The following NSD3 variants were observed in gnomAD, a reference collection of about 807,000 sequenced individuals.
NSD3 encodes histone-lysine N-methyltransferase NSD3.
Under a neutral mutation model 160.8 loss-of-function variants are expected in NSD3, and 24 were observed. The ratio of observed to expected loss-of-function variants is 0.15; its 90% CI spans 0.11 to 0.21. NSD3 has a LOEUF of 0.21. NSD3 is among the 10% of genes least tolerant of loss of function. NSD3 has a pLI of 1.00. For missense variants in NSD3, 1,157 were observed against 1,735.9 expected (o/e 0.67, Z 5.93); for synonymous variants, 520 against 600.0 (o/e 0.87, Z 1.95).
intron 12 of NSD3, among the ~76,000 whole-genome samples, chr8:38,311,076 C>CTTT (rs34628829): frequency 3.0e-5 from 4 of 132,788 alleles, no homozygotes; most frequent in African/African-American, 2.8e-5. Flanking sequence ...TCCCTGATTA[C>CTTT]TTTTTTTTTT....
At position 38,310,675 on chromosome 8, in the gene NSD3, CT is replaced by C. The variant is rs919146524; in HGVS notation, c.2242+3971del. Among the ~76,000 whole-genome samples the C allele has an allele frequency of 7.2e-3, 994 of 137,960 alleles. 6 individuals carry two copies. Among genetic ancestry groups the C allele is most frequent in the African/African-American group, 0.011 (397 of 37,640 alleles). The allele number at this position is 137,960 out of a possible 152,430, so 90.5% of individuals were successfully genotyped here. On this transcript the variant is annotated intron_variant, in intron 12 of 23. Transcript: ENST00000317025. ...GGCACACGCCACCATGCCAGGCTAA[CT>C]TTTTTTTTTTTTTTTGGTAGAAATG...
chr8:38,327,018 A>G (rs1809930139), intron 6 of NSD3, among the ~76,000 whole-genome samples, 162 bp from the exon 7 acceptor site: 1 of 152,232 alleles, frequency 6.6e-6, no homozygotes, highest in African/African-American at 2.4e-5. Flanking sequence ...AATTTGATTA[A>G]GTGATCAAGA....
intron 19 of NSD3, among the ~76,000 whole-genome samples, chr8:38,286,691 T>C (rs1242449463): frequency 6.6e-6 from 1 of 152,236 alleles, no homozygotes; most frequent in Non-Finnish European, 1.5e-5. Flanking sequence ...GGCACCATCC[T>C]ATCTAGCCAG....
chr8:38,340,345 G>GA (rs1174406002), intron 2 of NSD3, among the ~76,000 whole-genome samples: 2 of 151,948 alleles, frequency 1.3e-5, no homozygotes, highest in Non-Finnish European at 2.9e-5. Flanking sequence ...AAAGGTTTTT[G>GA]TTTTTTTGAG....
At position 38,337,480 on chromosome 8, in the gene NSD3, G is replaced by T. The variant is rs763446474; in HGVS notation, c.748-13C>A. 190 of 1,531,174 alleles carry T rather than the reference G, an allele frequency of 1.2e-4. No individual in the cohort carries two copies. Among genetic ancestry groups the T allele is most frequent in the Non-Finnish European group, 1.6e-4 (187 of 1,146,106 alleles). 94.8% of individuals were successfully genotyped at this position (1,531,174 alleles called of 1,614,324 possible). On this transcript the variant is annotated splice_polypyrimidine_tract_variant and intron_variant, in intron 3 of 23. Transcript: ENST00000317025. ...GTATTGGCTGAACCTACAGGAAAGG[G>T]TCAAAAAACTTCATCAGAAATTCAA... is the stretch of plus-strand genomic sequence containing the variant.
Position 38,274,899 on chromosome 8 carries a change from G to A in NSD3, c.*742C>T, listed in dbSNP as rs1808561657. ...TCAATGGAAAACGTTTTAAAAATCA[G>A]TGAGCACATCCATTCCTTTTTTTCC... On this transcript the variant is annotated 3_prime_UTR_variant, in exon 24 of 24. Coordinates refer to ENST00000317025, the MANE Select transcript of NSD3 (RefSeq NM_023034.2). The A allele has an allele frequency of 5.3e-6, 1 of 187,852 alleles. No homozygotes were observed. Among genetic ancestry groups the A allele is most frequent in the Non-Finnish European group, 1.1e-5 (1 of 89,214 alleles). The allele number at this position is 187,852 out of a possible 1,614,324, so 11.6% of individuals were successfully genotyped here.
At position 38,276,517 on chromosome 8, in the gene NSD3, G is replaced by A. The variant is rs1425566494; in HGVS notation, c.3868-17C>T. 2 of 1,613,654 alleles carry A rather than the reference G, an allele frequency of 1.2e-6. No individual in the cohort carries two copies. The highest frequency in any genetic ancestry group is 2.2e-5 in the East Asian group (1 of 44,872). On this transcript the variant is annotated splice_polypyrimidine_tract_variant and intron_variant, in intron 22 of 23. Coordinates refer to ENST00000317025, the MANE Select transcript of NSD3 (RefSeq NM_023034.2). ...ACATGCCGACTGGCAGGAAAGAAAG[G>A]ATCATAGTTTCAAACATCACAGACA...
chr8:38,276,606 C>G (rs1808607088), intron 22 of NSD3, 106 bp from the exon 23 acceptor site: 1 of 1,229,522 alleles, frequency 8.1e-7, no homozygotes, highest in African/African-American at 1.5e-5. Flanking sequence ...ATCTGTTGTA[C>G]AATTACCTAA....
intron 1 of NSD3, among the ~76,000 whole-genome samples, chr8:38,363,440 C>T (rs1056612745): frequency 9.9e-5 from 15 of 151,804 alleles, no homozygotes; most frequent in Admixed American, 5.3e-4. Flanking sequence ...GTCAGGACTT[C>T]GAGAGCAGCC....
At chr8:38,358,611 G>A (rs1204490424) in intron 1 of NSD3, among the ~76,000 whole-genome samples, 6 of 152,030 alleles carry the variant, frequency 3.9e-5, no homozygotes, top group East Asian at 3.9e-4. Flanking sequence ...TGTTTTAAAC[G>A]CAGTACATAA....
chr8:38,336,388 C>G (rs1269802950), intron 4 of NSD3, among the ~76,000 whole-genome samples: 1 of 152,166 alleles, frequency 6.6e-6, no homozygotes, highest in African/African-American at 2.4e-5. Context: ...TTAGAATTGT[C>G]TTTCTTAATT....
At chr8:38,320,268 A>AT (rs1289060389) in intron 8 of NSD3, 2 of 152,148 alleles carry the variant, frequency 1.3e-5, no homozygotes, top group Non-Finnish European at 2.9e-5. Context: ...TTCCATATAA[A>AT]TGGTTTAAAA....
chr8:38,326,791 G>T lies in NSD3; in HGVS notation c.1647C>A (p.Asn549Lys). Residue 549 changes from asparagine (N) to lysine (K), a missense_variant, in exon 7 of 24, where the codon AAC becomes AAA. Transcript: ENST00000317025. ...TCTGCGTTGGCTTTTCATTTCTCTG[G>T]TTTGGTGTAGAAATTATAAGCCTGT... Reference protein sequence around the residue: ...GQDRLIISTPNQRNEKPTQSV... With the variant: ...GQDRLIISTPKQRNEKPTQSV... 1 of 1,613,952 alleles carries T rather than the reference G, an allele frequency of 6.2e-7. No homozygotes were observed. Among genetic ancestry groups the T allele is most frequent in the Non-Finnish European group, 8.5e-7 (1 of 1,179,968 alleles).
intron 15 of NSD3, 89 bp from the exon 16 acceptor site, chr8:38,296,041 A>T: frequency 7.5e-7 from 1 of 1,328,514 alleles, no homozygotes. Context: ...CAGCACATTA[A>T]ATTTGTTTCA....
In NSD3 at chr8:38,279,623, C is replaced by T; in HGVS notation, c.3677G>A (p.Cys1226Tyr). 1 of 1,614,152 alleles carries T rather than the reference C, an allele frequency of 6.2e-7. No homozygotes were observed. Among genetic ancestry groups the T allele is most frequent in the Non-Finnish European group, 8.5e-7 (1 of 1,179,996 alleles). Residue 1226 changes from cysteine to tyrosine, a missense_variant, in exon 21 of 24, where the codon TGT becomes TAT. Physicochemically the swap from Cys to Tyr is radical, Grantham distance 194. Coordinates refer to ENST00000317025, the MANE Select transcript of NSD3 (RefSeq NM_023034.2). ...GNYSRFMNHS[C>Y]NPNCETQKWT... ...CTTTTGTGTTTCACAGTTGGGATTA[C>T]AACTGTGGTTCATGAAGCGAGAATA... is the stretch of plus-strand genomic sequence containing the variant.
chr8:38,364,593 ACATAATAAAATGC>A (rs1202522401), intron 1 of NSD3, among the ~76,000 whole-genome samples: 1 of 152,208 alleles, frequency 6.6e-6, no homozygotes. Context: ...ACTATGCATG[ACATAATAAAATGC>A]TATGGGTCCT....
At chr8:38,332,647 G>A (rs1810092525) in intron 4 of NSD3, among the ~76,000 whole-genome samples, 1 of 152,138 alleles carries the variant, frequency 6.6e-6, no homozygotes, top group African/African-American at 2.4e-5. Context: ...GCATTGAGAA[G>A]CTCTGACAGC....
Position 38,281,560 on chromosome 8 carries a change from G to T in NSD3, c.3525C>A (p.Val1175=), listed in dbSNP as rs751782000. 2 of 1,604,930 alleles carry T rather than the reference G, an allele frequency of 1.2e-6. No homozygotes were observed. The highest frequency in any genetic ancestry group is 1.7e-6 in the Non-Finnish European group (2 of 1,175,364). ...ATTCTTCTTCATCAATTAATTCACC[G>T]ACGTATTCATTTACAAATTCACCCT... The part of the protein sequence containing the change: ...IKKGEFVNEY[V]GELIDEEECR... The change falls in exon 20 of 24, where the codon GTC becomes GTA. Residue 1175 remains valine (V), a synonymous_variant. Transcript: ENST00000317025.
At chr8:38,375,276 A>AG (rs1377191052) in intron 1 of NSD3, among the ~76,000 whole-genome samples, 3 of 152,176 alleles carry the variant, frequency 2.0e-5, no homozygotes, top group African/African-American at 7.2e-5. Flanking sequence ...AAATATTAGA[A>AG]GGGGGAAAAG....
Sources: allele counts gnomAD v4.1 joint callset (sites outside exome capture counted in the v4.1 genomes callset), GRCh38; gene constraint gnomAD v4.1.1; transcripts MANE v1.5; gene names NCBI Gene and HGNC (gene_info 2026-07-23, HGNC 2026-07-21).